Variants in ZNF280D observed in about 807,000 individuals in gnomAD.
The protein encoded by ZNF280D is zinc finger protein 280D, also known as suppressor of hairy wing homolog 4.
In ZNF280D, 39 loss-of-function variants were observed where a neutral mutation model predicts 94.7. The observed-to-expected ratio is 0.41, with a 90% CI of 0.32 to 0.54. The LOEUF is 0.54. ZNF280D is among the 20% of genes least tolerant of loss of function. The probability of loss-of-function intolerance (pLI) is 0.22; values close to 1 mark genes in which losing one functional copy is unlikely to be tolerated. For missense variants in ZNF280D, 1,090 were observed against 1,149.3 expected (o/e 0.95, Z 0.75); for synonymous variants, 398 against 377.6 (o/e 1.05, Z -0.63).
intron 1 of ZNF280D, among the ~76,000 whole-genome samples, chr15:56,708,360 A>G (rs1391326118): frequency 6.6e-6 from 1 of 152,170 alleles, no homozygotes; most frequent in Non-Finnish European, 1.5e-5. Flanking sequence ...TTTTAACTCA[A>G]TTTTTGAATA....
chr15:56,630,527 C>G lies in ZNF280D; in HGVS notation c.*971G>C, dbSNP rs568505765. 6.6e-6 allele frequency: 1 copy of G among 152,140 alleles called. No individual in the cohort carries two copies. Among genetic ancestry groups the G allele is most frequent in the East Asian group, 1.9e-4 (1 of 5,184 alleles). 9.4% of individuals were successfully genotyped at this position (152,140 alleles called of 1,614,324 possible). On this transcript the variant is annotated 3_prime_UTR_variant, in exon 22 of 22. Transcript: ENST00000267807. The stretch of plus-strand genomic sequence containing the variant: ...ATTTGAAGTTTTTATTTTACAATTA[C>G]AGAAAAGTCACTTAAACATGGCTGA...
intron 19 of ZNF280D, chr15:56,652,365 T>C (rs2053258255): frequency 6.4e-6 from 1 of 155,656 alleles, no homozygotes; most frequent in Non-Finnish European, 1.4e-5. Flanking sequence ...CAAGGTATAC[T>C]AACTAGATAT....
intron 19 of ZNF280D, chr15:56,653,549 T>C: frequency 6.6e-7 from 1 of 1,519,252 alleles, no homozygotes; most frequent in Non-Finnish European, 8.8e-7. Context: ...AGGGGGACAC[T>C]GTCCAGGTAT....
intron 20 of ZNF280D, 144 bp from the exon 21 acceptor site, chr15:56,635,394 T>A: frequency 4.3e-6 from 1 of 233,326 alleles, no homozygotes; most frequent in South Asian, 1.6e-4. Context: ...AAATATAAAA[T>A]ATAATTAGAA....
Position 56,689,441 on chromosome 15 carries a change from G to A in ZNF280D, c.529C>T (p.Arg177Cys), listed in dbSNP as rs1189272536. ...GMSESSFLSK[R>C]PSTSEVNNVN... ...TTATTTACTTCAGAAGTAGAAGGAC[G>A]TTTTGATAAAAATGAACTTTCACTC... Residue 177 changes from arginine to cysteine, a missense_variant, in exon 8 of 22, where the codon CGT becomes TGT. Physicochemically the swap from Arg to Cys is radical, Grantham distance 180 (BLOSUM62 -3). Around this residue, in one of 3 missense-constraint regions of ZNF280D, gnomAD observed 386 missense variants for 372.0 expected, o/e 1.04. Transcript: ENST00000267807. 2.6e-6 allele frequency: 4 copies of A among 1,563,308 alleles called. No homozygotes were observed. The highest frequency in any genetic ancestry group is 2.3e-5 in the East Asian group (1 of 43,026).
At chr15:56,688,392 G>A (rs2056186923) in intron 9 of ZNF280D, among the ~76,000 whole-genome samples, 1 of 150,984 alleles carries the variant, frequency 6.6e-6, no homozygotes, top group Admixed American at 6.6e-5. Flanking sequence ...TTGGGAGGCT[G>A]AGGCAGGAGA....
chr15:56,642,482 A>G (rs1401190551), intron 20 of ZNF280D, among the ~76,000 whole-genome samples: 1 of 151,832 alleles, frequency 6.6e-6, no homozygotes, highest in Non-Finnish European at 1.5e-5. Flanking sequence ...GGTAAATAAC[A>G]TTTATATGAT....
chr15:56,729,283 T>TA (rs2058773464), intron 1 of ZNF280D, among the ~76,000 whole-genome samples: 1 of 152,214 alleles, frequency 6.6e-6, no homozygotes, highest in Non-Finnish European at 1.5e-5. Context: ...TTTACAAATT[T>TA]AGACTTGGCT....
chr15:56,724,855 AT>A (rs759741659), intron 1 of ZNF280D: 6 of 453,486 alleles, frequency 1.3e-5, no homozygotes, highest in Non-Finnish European at 2.7e-5. Flanking sequence ...ACCTTTTTCT[AT>A]TCAATAACGT....
At chr15:56,710,465 C>T (rs2057699053) in intron 1 of ZNF280D, among the ~76,000 whole-genome samples, 1 of 151,394 alleles carries the variant, frequency 6.6e-6, no homozygotes, top group African/African-American at 2.4e-5. Flanking sequence ...TCAACTTCAA[C>T]TACTAACTCA....
At position 56,643,006 on chromosome 15, in the gene ZNF280D, CA is replaced by C; in HGVS notation, c.2214-10del. 6.8e-7 allele frequency: 1 copy of C among 1,479,562 alleles called. No individual in the cohort carries two copies. 91.7% of individuals were successfully genotyped at this position (1,479,562 alleles called of 1,614,324 possible). A position where few individuals can be genotyped will look rare whatever the true frequency, so the allele number is the denominator to read the frequency against. ...GAGCTTCTTTTTTTAATCTTGAAAA[CA>C]AGATAAGTATTGAATATTTTATTTT... On this transcript the variant is annotated splice_polypyrimidine_tract_variant and intron_variant, in intron 19 of 21. Coordinates refer to ENST00000267807, the MANE Select transcript of ZNF280D (RefSeq NM_017661.4).
At chr15:56,704,070 A>G (rs764933471) in intron 4 of ZNF280D, 51 bp downstream of exon 4, 3 of 1,598,018 alleles carry the variant, frequency 1.9e-6, no homozygotes, top group East Asian at 4.5e-5. Flanking sequence ...AAGTTTTTCT[A>G]CTAGAAATAA....
intron 1 of ZNF280D, among the ~76,000 whole-genome samples, chr15:56,722,206 C>G (rs1287652173): frequency 6.6e-6 from 1 of 152,100 alleles, no homozygotes; most frequent in Non-Finnish European, 1.5e-5. Context: ...ACAATAGTAA[C>G]ATTAAAGATC....
chr15:56,710,699 T>TGGGA (rs1397662499), intron 1 of ZNF280D, among the ~76,000 whole-genome samples: 3 of 152,172 alleles, frequency 2.0e-5, no homozygotes, highest in African/African-American at 7.2e-5. Context: ...TGGGTCTAAG[T>TGGGA]GTTTTAACTA....
intron 17 of ZNF280D, among the ~76,000 whole-genome samples, chr15:56,656,909 GACTC>G (rs1241583695): frequency 2.0e-5 from 3 of 152,086 alleles, no homozygotes; most frequent in African/African-American, 7.2e-5. Flanking sequence ...GTCAAGGAAA[GACTC>G]ACTCAATCAA....
intron 13 of ZNF280D, among the ~76,000 whole-genome samples, chr15:56,669,848 T>G: frequency 1.9e-5 from 1 of 52,906 alleles, no homozygotes; most frequent in Non-Finnish European, 3.6e-5. Flanking sequence ...ATTTTTACCC[T>G]CATTATTTTA....
intron 17 of ZNF280D, among the ~76,000 whole-genome samples, chr15:56,657,117 T>A (rs567883576): frequency 1.3e-5 from 2 of 151,988 alleles, no homozygotes; most frequent in Admixed American, 6.6e-5. Flanking sequence ...ACAAAGACAC[T>A]GACATTTCAA....
At chr15:56,663,578 C>A (rs2054098641) in intron 16 of ZNF280D, among the ~76,000 whole-genome samples, 1 of 152,108 alleles carries the variant, frequency 6.6e-6, no homozygotes, top group South Asian at 2.1e-4. Flanking sequence ...AAGGGTACCA[C>A]TGAGGTTGAG....
chr15:56,683,658 T>G (rs570907817), intron 9 of ZNF280D, among the ~76,000 whole-genome samples: 2 of 152,212 alleles, frequency 1.3e-5, no homozygotes, highest in African/African-American at 4.8e-5. Flanking sequence ...CCCTAAAAAT[T>G]TAGGTGGGTT....
Sources: gnomAD v4.1 joint callset for allele counts (sites outside exome capture counted in the v4.1 genomes callset) on GRCh38, gnomAD v4.1.1 for gene constraint, gnomAD v4.1.1 regional missense constraint, MANE v1.5 for transcripts, NCBI Gene and HGNC (gene_info 2026-07-23, HGNC 2026-07-21) for gene names.